The following SYN2 variants were observed in gnomAD, a reference collection of about 807,000 sequenced individuals.
SYN2 encodes synapsin-2.
Under a neutral mutation model 50.9 loss-of-function variants are expected in SYN2, and 19 were observed. The observed-to-expected ratio is 0.37, with a 90% CI of 0.26 to 0.55. The LOEUF is 0.55. Ranked by LOEUF, SYN2 falls within the 20% of genes least tolerant of loss-of-function variation. The pLI is 0.81. For missense variants in SYN2, 587 were observed against 576.4 expected, an observed-to-expected ratio of 1.02 and a Z score of -0.19; for synonymous variants, 255 against 224.9, an observed-to-expected ratio of 1.13 and a Z score of -1.20.
chr3:12,148,424 G>C (rs1278700606), intron 4 of SYN2: 1 of 152,264 alleles, frequency 6.6e-6, no homozygotes. Context: ...GTGACTGTGA[G>C]GGGAGGGTCC....
At chr3:12,122,389 G>T (rs1195019573) in intron 1 of SYN2, among the ~76,000 whole-genome samples, 1 of 152,168 alleles carries the variant, frequency 6.6e-6, no homozygotes. Context: ...AGCAGACTGA[G>T]TAGTAAGCCT....
intron 1 of SYN2, among the ~76,000 whole-genome samples, chr3:12,128,282 C>T (rs201892221): frequency 3.3e-5 from 5 of 152,100 alleles, no homozygotes; most frequent in African/African-American, 4.8e-5. Context: ...ATCTCACAAG[C>T]GCTCTGAGTG....
At chr3:12,021,881 G>T (rs776570905) in intron 1 of SYN2, among the ~76,000 whole-genome samples, 1 of 152,034 alleles carries the variant, frequency 6.6e-6, no homozygotes, top group South Asian at 2.1e-4. Flanking sequence ...CCTGGCCAGC[G>T]TAACGAAACC....
At chr3:12,169,617 C>T in intron 9 of SYN2, 140 bp from the exon 10 acceptor site, 1 of 913,034 alleles carries the variant, frequency 1.1e-6, no homozygotes, top group Non-Finnish European at 1.6e-6. Context: ...CAAATGATCA[C>T]ACTTCCAGCT....
At chr3:12,158,889 G>A in intron 5 of SYN2, 1 of 1,476,606 alleles carries the variant, frequency 6.8e-7, no homozygotes, top group Non-Finnish European at 9.0e-7. Context: ...GGACTGGACG[G>A]CCCCAGCAGG....
chr3:12,038,513 A>G (rs1368774432), intron 1 of SYN2, among the ~76,000 whole-genome samples: 1 of 152,154 alleles, frequency 6.6e-6, no homozygotes. Flanking sequence ...ATTTGGAGAT[A>G]TTGGCATTTA....
intron 1 of SYN2, among the ~76,000 whole-genome samples, chr3:12,039,049 A>G (rs1221418452): frequency 1.3e-5 from 2 of 152,038 alleles, no homozygotes; most frequent in African/African-American, 4.8e-5. Context: ...TTTTTTATAG[A>G]TGCTCTTTAT....
intron 1 of SYN2, among the ~76,000 whole-genome samples, chr3:12,005,625 G>T (rs1395885906): frequency 6.6e-6 from 1 of 151,624 alleles, no homozygotes; most frequent in East Asian, 1.9e-4. Flanking sequence ...GTGCGTGGTG[G>T]GGGGCGGGGC....
intron 4 of SYN2, among the ~76,000 whole-genome samples, chr3:12,147,260 A>C (rs1697173822): frequency 6.6e-6 from 1 of 151,814 alleles, no homozygotes; most frequent in African/African-American, 2.4e-5. Flanking sequence ...TCTGATCTTG[A>C]TCTTTTTTTT....
At chr3:12,035,919 C>T (rs1346381685) in intron 1 of SYN2, among the ~76,000 whole-genome samples, 1 of 152,090 alleles carries the variant, frequency 6.6e-6, no homozygotes, top group East Asian at 1.9e-4. Flanking sequence ...TTGAAAACAA[C>T]TAAGGACATA....
intron 5 of SYN2, among the ~76,000 whole-genome samples, chr3:12,159,617 A>G (rs1203799554): frequency 1.3e-5 from 2 of 152,158 alleles, no homozygotes; most frequent in African/African-American, 4.8e-5. Flanking sequence ...TACAAAACAC[A>G]AAGTGTCCCA....
intron 1 of SYN2, among the ~76,000 whole-genome samples, chr3:12,037,772 A>G (rs1202877946): frequency 1.3e-5 from 2 of 152,232 alleles, no homozygotes; most frequent in Non-Finnish European, 2.9e-5. Context: ...TAAGTTTCCA[A>G]CATAAGAACT....
At chr3:12,071,003 G>A in intron 1 of SYN2, 1 of 550,372 alleles carries the variant, frequency 1.8e-6, no homozygotes, top group Non-Finnish European at 3.6e-6. Context: ...AAGTGGTCCT[G>A]GTGTCTGGAG....
chr3:12,132,414 A>G (rs1409147266), intron 1 of SYN2, among the ~76,000 whole-genome samples: 9 of 152,196 alleles, frequency 5.9e-5, no homozygotes, highest in African/African-American at 2.2e-4. Context: ...TCATTTTTCT[A>G]TAAAACCAGT....
At chr3:12,158,937 T>C in intron 5 of SYN2, 1 of 1,416,344 alleles carries the variant, frequency 7.1e-7, no homozygotes, top group Non-Finnish European at 9.2e-7. Context: ...CGCCCCAGGC[T>C]TTATGAGGTG....
chr3:12,148,758 G>A (rs1697211101), intron 4 of SYN2: 1 of 152,158 alleles, frequency 6.6e-6, no homozygotes, highest in Non-Finnish European at 1.5e-5. Context: ...ATTTCCAGGA[G>A]TGATAGGCAT....
intron 1 of SYN2, among the ~76,000 whole-genome samples, chr3:12,081,991 C>T (rs552435148): frequency 6.6e-6 from 1 of 152,284 alleles, no homozygotes; most frequent in Non-Finnish European, 1.5e-5. Context: ...TTAGGATCAG[C>T]ATGTGTGTTG....
chr3:12,082,825 A>G (rs997726099), intron 1 of SYN2, among the ~76,000 whole-genome samples: 2 of 151,904 alleles, frequency 1.3e-5, no homozygotes, highest in African/African-American at 4.8e-5. Flanking sequence ...TAGTGTTGTC[A>G]CTCTTCACCT....
chr3:12,106,804 T>A (rs1696201672), intron 1 of SYN2, among the ~76,000 whole-genome samples: 1 of 152,160 alleles, frequency 6.6e-6, no homozygotes, highest in Non-Finnish European at 1.5e-5. Context: ...CATGTGTAAT[T>A]TAGTTTTCAA....
Sources: allele counts gnomAD v4.1 joint callset (sites outside exome capture counted in the v4.1 genomes callset), GRCh38; gene constraint gnomAD v4.1.1; transcripts MANE v1.5; gene names NCBI Gene and HGNC (gene_info 2026-07-23, HGNC 2026-07-21).